The following CFAP61 variants were observed in gnomAD, a reference collection of about 807,000 sequenced individuals.
CFAP61 encodes the protein cilia- and flagella-associated protein 61.
Under a neutral mutation model 135.6 loss-of-function variants are expected in CFAP61, and 107 were observed. That is an observed-to-expected ratio of 0.79 (90% CI 0.67 to 0.93). The LOEUF is 0.93. Ranked by LOEUF, CFAP61 falls within the 40% of genes least tolerant of loss-of-function variation. The probability of loss-of-function intolerance (pLI) is 0.00; values close to 1 mark genes in which losing one functional copy is unlikely to be tolerated. For synonymous variants in CFAP61, 575 were observed against 578.5 expected (o/e 0.99, Z 0.09); for missense variants, 1,507 against 1,556.2 (o/e 0.97, Z 0.53).
intron 18 of CFAP61, among the ~76,000 whole-genome samples, chr20:20,242,508 G>A (rs549219089): frequency 1.3e-5 from 2 of 152,320 alleles, no homozygotes; most frequent in East Asian, 3.9e-4. Context: ...GGAGCAGGGC[G>A]CTGCCTAGGG....
intron 25 of CFAP61, among the ~76,000 whole-genome samples, chr20:20,307,001 C>T (rs1413265955): frequency 6.6e-6 from 1 of 152,194 alleles, no homozygotes; most frequent in East Asian, 1.9e-4. Flanking sequence ...CTTCACCAAG[C>T]TTTACAAAAA....
At chr20:20,190,470 G>A (rs2055840970) in intron 14 of CFAP61, among the ~76,000 whole-genome samples, 1 of 152,134 alleles carries the variant, frequency 6.6e-6, no homozygotes, top group Non-Finnish European at 1.5e-5. Flanking sequence ...GGGAGGGTGG[G>A]GACAGAGGGG....
chr20:20,203,732 T>G (rs2056736270), intron 17 of CFAP61, among the ~76,000 whole-genome samples: 1 of 152,170 alleles, frequency 6.6e-6, no homozygotes, highest in African/African-American at 2.4e-5. Context: ...TGGGTCTACA[T>G]ACAAACCTGT....
intron 20 of CFAP61, among the ~76,000 whole-genome samples, chr20:20,261,535 A>T (rs1380112800): frequency 6.6e-6 from 1 of 152,094 alleles, no homozygotes; most frequent in East Asian, 1.9e-4. Context: ...TTCTCCTCAT[A>T]ACTGCCACCT....
intron 22 of CFAP61, among the ~76,000 whole-genome samples, chr20:20,288,237 G>C (rs1006272810): frequency 6.6e-6 from 1 of 152,184 alleles, no homozygotes; most frequent in South Asian, 2.1e-4. Context: ...ACAGGAAGGG[G>C]AAGAGGATGG....
Position 20,066,809 on chromosome 20 carries a change from T to TA in CFAP61, c.144-4042dup, listed in dbSNP as rs535785762. Among the ~76,000 whole-genome samples the TA allele has an allele frequency of 5.3e-3, 810 of 151,554 alleles. 4 individuals carry two copies. Among genetic ancestry groups the TA allele is most frequent in the Non-Finnish European group, 8.4e-3 (573 of 67,902 alleles). ...TGTTCTGCACATGTATCCCAGAACT[T>TA]AAAGTGTAATAAAAAATAAAATAAA... On this transcript the variant is annotated intron_variant, in intron 2 of 26. Coordinates refer to ENST00000245957, the MANE Select transcript of CFAP61 (RefSeq NM_015585.4).
chr20:20,345,382 C>T (rs2058590436), intron 26 of CFAP61, among the ~76,000 whole-genome samples: 1 of 152,124 alleles, frequency 6.6e-6, no homozygotes, highest in Non-Finnish European at 1.5e-5. Flanking sequence ...TAAATATACA[C>T]AACTATTATG....
At chr20:20,269,388 T>C (rs1156447035) in intron 21 of CFAP61, among the ~76,000 whole-genome samples, 1 of 151,836 alleles carries the variant, frequency 6.6e-6, no homozygotes, top group South Asian at 2.1e-4. Context: ...CACACACATA[T>C]ATAGACAGAA....
At chr20:20,231,528 A>ACAGTCTCCCTCAGCCCTCCAC (rs1282332763) in intron 18 of CFAP61, among the ~76,000 whole-genome samples, 5 of 147,082 alleles carry the variant, frequency 3.4e-5, no homozygotes, top group Non-Finnish European at 6.0e-5. Flanking sequence ...CCTGCGGGAG[A>ACAGTCTCCCTCAGCCCTCCAC]CCTCCAGGGG....
At chr20:20,284,388 C>G (rs912427947) in intron 22 of CFAP61, among the ~76,000 whole-genome samples, 4 of 152,050 alleles carry the variant, frequency 2.6e-5, no homozygotes, top group Non-Finnish European at 5.9e-5. Flanking sequence ...CAGGTTCACG[C>G]CATTCTCCTG....
chr20:20,337,328 G>A (rs1394063070), intron 25 of CFAP61, among the ~76,000 whole-genome samples: 1 of 130,508 alleles, frequency 7.7e-6, no homozygotes, highest in Non-Finnish European at 1.7e-5. Context: ...ATGGATGGAT[G>A]GATGGATGGA....
At chr20:20,355,277 T>A (rs1260964830) in intron 26 of CFAP61, among the ~76,000 whole-genome samples, 39 of 93,732 alleles carry the variant, frequency 4.2e-4, no homozygotes, top group East Asian at 1.4e-3. Flanking sequence ...CTGTGAGGGG[T>A]GGTCACACTG....
At chr20:20,234,961 C>T (rs1315983128) in intron 18 of CFAP61, among the ~76,000 whole-genome samples, 2 of 152,184 alleles carry the variant, frequency 1.3e-5, no homozygotes. Context: ...AGTGCTGACA[C>T]TTGTTAGACG....
At chr20:20,283,058 A>C (rs1404360409) in intron 22 of CFAP61, among the ~76,000 whole-genome samples, 2 of 152,240 alleles carry the variant, frequency 1.3e-5, no homozygotes, top group East Asian at 3.8e-4. Flanking sequence ...ATGTTAGTTC[A>C]ATATGGTTGA....
intron 25 of CFAP61, among the ~76,000 whole-genome samples, chr20:20,331,882 C>G (rs2058013148): frequency 1.3e-5 from 2 of 152,162 alleles, no homozygotes; most frequent in African/African-American, 4.8e-5. Flanking sequence ...TGGTTGTGCT[C>G]TCTATGAAGA....
intron 2 of CFAP61, among the ~76,000 whole-genome samples, chr20:20,058,813 G>A (rs999637779): frequency 3.9e-5 from 6 of 152,210 alleles, no homozygotes; most frequent in Non-Finnish European, 8.8e-5. Flanking sequence ...GTGAAGGGAT[G>A]CAGCTTCAGC....
chr20:20,299,092 T>C (rs1168499509), intron 25 of CFAP61, among the ~76,000 whole-genome samples: 1 of 152,174 alleles, frequency 6.6e-6, no homozygotes, highest in Non-Finnish European at 1.5e-5. Flanking sequence ...GCAGTTCCAG[T>C]GTTCTCGACA....
Position 20,251,579 on chromosome 20 carries a change from G to T in CFAP61, c.2160-16G>T. 6.2e-7 allele frequency: 1 copy of T among 1,612,978 alleles called. No homozygotes were observed. Among genetic ancestry groups the T allele is most frequent in the Non-Finnish European group, 8.5e-7 (1 of 1,179,506 alleles). ...CAGCTGCTCAGATGTCACTTACGGA[G>T]CTTCTCTCTTTGCAGCCACTGTTTT... On this transcript the variant is annotated splice_polypyrimidine_tract_variant and intron_variant, in intron 19 of 26. Transcript: ENST00000245957.
At chr20:20,243,140 C>T (rs1394082324) in intron 18 of CFAP61, among the ~76,000 whole-genome samples, 1 of 152,216 alleles carries the variant, frequency 6.6e-6, no homozygotes, top group Non-Finnish European at 1.5e-5. Context: ...TCATGTCTTA[C>T]ATGGACGGCA....
Sources: allele counts gnomAD v4.1 joint callset (sites outside exome capture counted in the v4.1 genomes callset), GRCh38; gene constraint gnomAD v4.1.1; transcripts MANE v1.5; gene names NCBI Gene and HGNC (gene_info 2026-07-23, HGNC 2026-07-21).